The following CUBN variants were observed in gnomAD, a reference collection of about 807,000 sequenced individuals.
The protein encoded by CUBN is cubilin, also known as 460 kDa receptor.
In CUBN, 282 loss-of-function variants were observed where a neutral mutation model predicts 405.3. That is an observed-to-expected ratio of 0.70 (90% CI 0.63 to 0.77). The LOEUF is 0.77. CUBN is among the 30% of genes least tolerant of loss of function. The pLI is 0.00. For missense variants in CUBN, 4,514 were observed against 4,475.2 expected (o/e 1.01, Z -0.25); for synonymous variants, 1,684 against 1,617.0 (o/e 1.04, Z -0.99).
intron 6 of CUBN, among the ~76,000 whole-genome samples, chr10:17,117,122 T>TC (rs940686333): frequency 4.0e-5 from 6 of 151,776 alleles, no homozygotes; most frequent in Non-Finnish European, 8.8e-5. Context: ...GAATTATCCA[T>TC]CCCCCCCATA....
chr10:17,031,330 A>G (rs1834782810), intron 27 of CUBN, among the ~76,000 whole-genome samples: 1 of 152,220 alleles, frequency 6.6e-6, no homozygotes, highest in Non-Finnish European at 1.5e-5. Context: ...GCAAATAATA[A>G]CAGTGAACAT....
At chr10:17,040,133 T>C (rs1834985474) in intron 27 of CUBN, among the ~76,000 whole-genome samples, 2 of 152,180 alleles carry the variant, frequency 1.3e-5, no homozygotes, top group African/African-American at 4.8e-5. Flanking sequence ...TAAGTAAGAC[T>C]TCTAAAAATC....
chr10:16,948,506 GA>G lies in CUBN; in HGVS notation c.5180del (p.Phe1727SerfsTer122), dbSNP rs774407671. 1 of 1,614,004 alleles carries G rather than the reference GA, an allele frequency of 6.2e-7. No individual in the cohort carries two copies. The highest frequency in any genetic ancestry group is 1.7e-5 in the Admixed American group (1 of 60,022). Reference sequence around the variant, plus strand: ...ACACTGATGCGGTGACCGTGGTGTGGAAACCCCCAGCACTGATGCTAGAATC... The same window carrying G: ...ACACTGATGCGGTGACCGTGGTGTGGAACCCCCAGCACTGATGCTAGAATC... ...VSDSSISAGG[F>X]HTTVTASVSA... On this transcript the variant is annotated frameshift_variant, in exon 35 of 67. Transcript: ENST00000377833. LOFTEE classifies it high-confidence loss of function.
chr10:16,977,061 G>T (rs1039452336), intron 31 of CUBN, among the ~76,000 whole-genome samples: 1 of 152,074 alleles, frequency 6.6e-6, no homozygotes, highest in Non-Finnish European at 1.5e-5. Flanking sequence ...TAGTGGATTT[G>T]TTTCTATTGT....
chr10:17,055,599 C>T lies in CUBN; in HGVS notation c.3140-7996G>A, dbSNP rs148901770. Among the ~76,000 whole-genome samples the T allele has an allele frequency of 5.4e-3, 824 of 151,996 alleles. 9 individuals are homozygous for T. Among genetic ancestry groups the T allele is most frequent in the African/African-American group, 0.019 (796 of 41,476 alleles). On this transcript the variant is annotated intron_variant, in intron 22 of 66. Coordinates refer to ENST00000377833, the MANE Select transcript of CUBN (RefSeq NM_001081.4). Reference sequence around the variant, plus strand: ...AATACAAGATATGTATACAAAAATCCATTTATGTTGCATATATCAGCCAAA... The same window carrying T: ...AATACAAGATATGTATACAAAAATCTATTTATGTTGCATATATCAGCCAAA...
At chr10:17,122,951 G>C (rs1310372657) in intron 5 of CUBN, 53 bp from the exon 6 acceptor site, 1 of 1,216,786 alleles carries the variant, frequency 8.2e-7, no homozygotes. Context: ...GAGGTATCTG[G>C]AGCGAACATT....
chr10:16,935,829 G>T (rs184231189), intron 39 of CUBN, among the ~76,000 whole-genome samples: 1 of 131,222 alleles, frequency 7.6e-6, no homozygotes, highest in South Asian at 2.3e-4. Flanking sequence ...GCAGAGAGCC[G>T]AGATTGTGCC....
At chr10:16,862,437 C>T (rs1260368958) in intron 59 of CUBN, among the ~76,000 whole-genome samples, 1 of 152,158 alleles carries the variant, frequency 6.6e-6, no homozygotes, top group Non-Finnish European at 1.5e-5. Context: ...TCAAGCAGCT[C>T]ATGCTACATC....
In CUBN at chr10:17,085,729, G is replaced by GA; in HGVS notation, c.1977_1978insT (p.Leu660SerfsTer32). 6.2e-7 allele frequency: 1 copy of GA among 1,614,048 alleles called. No individual in the cohort carries two copies. Among genetic ancestry groups the GA allele is most frequent in the South Asian group, 1.1e-5 (1 of 91,070 alleles). On this transcript the variant is annotated frameshift_variant, in exon 16 of 67. Coordinates refer to ENST00000377833, the MANE Select transcript of CUBN (RefSeq NM_001081.4). LOFTEE classifies it high-confidence loss of function. ...AAAGTGGTGCAGAACTTCCCAAGAA[G>GA]GGGGTCCTGATACAAAGGACCATCT...
intron 66 of CUBN, among the ~76,000 whole-genome samples, chr10:16,825,931 T>A (rs1309147661): frequency 6.7e-6 from 1 of 149,382 alleles, no homozygotes; most frequent in Non-Finnish European, 1.5e-5. Flanking sequence ...AAGAGATACA[T>A]CAAGGAATAT....
intron 59 of CUBN, among the ~76,000 whole-genome samples, chr10:16,861,600 T>TA (rs796156920): frequency 1.1e-3 from 160 of 147,602 alleles, no homozygotes; most frequent in African/African-American, 3.2e-3. Context: ...TTTTTACAGA[T>TA]AAAAAAAAAA....
chr10:16,828,457 C>T (rs1588563261), intron 66 of CUBN, among the ~76,000 whole-genome samples: 1 of 152,190 alleles, frequency 6.6e-6, no homozygotes, highest in Non-Finnish European at 1.5e-5. Flanking sequence ...GTGGCTCACG[C>T]GTGTAATCCC....
intron 26 of CUBN, among the ~76,000 whole-genome samples, chr10:17,042,970 T>C (rs1296542079): frequency 1.3e-5 from 2 of 152,192 alleles, no homozygotes; most frequent in African/African-American, 4.8e-5. Flanking sequence ...AGAATTATGT[T>C]TCCAAAACCT....
At chr10:17,127,095 A>G (rs1274489982) in intron 3 of CUBN, among the ~76,000 whole-genome samples, 2 of 151,978 alleles carry the variant, frequency 1.3e-5, no homozygotes, top group Non-Finnish European at 2.9e-5. Flanking sequence ...CATAAATGTC[A>G]GTGATGCATC....
At chr10:17,017,672 C>T (rs1021901782) in intron 28 of CUBN, among the ~76,000 whole-genome samples, 1 of 152,118 alleles carries the variant, frequency 6.6e-6, no homozygotes, top group African/African-American at 2.4e-5. Context: ...CCAGATAGTA[C>T]CCCCTACAAT....
At chr10:17,051,014 A>C (rs1200303808) in intron 22 of CUBN, among the ~76,000 whole-genome samples, 1 of 151,982 alleles carries the variant, frequency 6.6e-6, no homozygotes, top group East Asian at 1.9e-4. Context: ...ATCATGTCCC[A>C]ATCTATCATG....
intron 60 of CUBN, among the ~76,000 whole-genome samples, chr10:16,848,690 CTTTTTTTTTTTTTT>C (rs10562297): frequency 3.9e-4 from 21 of 53,370 alleles, no homozygotes; most frequent in Admixed American, 1.9e-3. Flanking sequence ...CTCTCCCAGC[CTTTTTTTTTTTTTT>C]TTTTTTTTTT....
rs1316312703 is a variant in CUBN at position 16,840,894 on chromosome 10, T to C, written c.9817A>G (p.Ile3273Val). 1.2e-6 allele frequency: 2 copies of C among 1,611,092 alleles called. No individual in the cohort carries two copies. Among genetic ancestry groups the C allele is most frequent in the Admixed American group, 1.7e-5 (1 of 60,018 alleles). Residue 3273 changes from isoleucine to valine, a missense_variant, in exon 61 of 67, where the codon ATC (isoleucine) becomes GTC (valine). Ile to Val is a conservative substitution (Grantham distance 29). Around this residue, in one of 5 missense-constraint regions of CUBN, gnomAD observed 1,186 missense variants for 1,186.9 expected, o/e 1.00. Transcript: ENST00000377833. ...EREGFNATYT[I>V]MDMPCGGTYN... The stretch of plus-strand genomic sequence containing the variant: ...GCTTCTATTTACTCACTGTCCATGA[T>C]GGTGTATGTAGCATTAAATCCTTCC...
chr10:16,963,326 C>T (rs752149887), intron 31 of CUBN, among the ~76,000 whole-genome samples: 1 of 150,156 alleles, frequency 6.7e-6, no homozygotes, highest in Non-Finnish European at 1.5e-5. Context: ...GCTGGGATTA[C>T]AGGTACACAC....
Sources: allele counts gnomAD v4.1 joint callset (sites outside exome capture counted in the v4.1 genomes callset), GRCh38; gene constraint gnomAD v4.1.1; regional missense constraint gnomAD v4.1.1; transcripts MANE v1.5; gene names NCBI Gene and HGNC (gene_info 2026-07-23, HGNC 2026-07-21).